The following XIRP2 variants were observed in gnomAD, a reference collection of about 807,000 sequenced individuals.
XIRP2 encodes xin actin-binding repeat-containing protein 2.
Under a neutral mutation model 277.0 loss-of-function variants are expected in XIRP2, and 236 were observed. The ratio of observed to expected loss-of-function variants is 0.85; its 90% CI spans 0.77 to 0.95. The LOEUF is 0.95. XIRP2 is among the 40% of genes least tolerant of loss of function. The pLI, the probability that XIRP2 is intolerant of heterozygous loss-of-function variation, is 0.00. For synonymous variants in XIRP2, 1,490 were observed against 1,416.5 expected (o/e 1.05, Z -1.17); for missense variants, 4,640 against 4,157.5 (o/e 1.12, Z -3.19).
Position 167,245,614 on chromosome 2 carries a change from C to A in XIRP2, c.4222C>A (p.Pro1408Thr), listed in dbSNP as rs757742625. 1 of 1,613,552 alleles carries A rather than the reference C, an allele frequency of 6.2e-7. No homozygotes were observed. Among genetic ancestry groups the A allele is most frequent in the South Asian group, 1.1e-5 (1 of 91,076 alleles). ...QISEESHNIM[P>T]SIDHIQGGNV... ...TTCTGAAGAATCACATAATATTATG[C>A]CCAGTATTGACCATATACAAGGTGG... Residue 1408 changes from proline to threonine, a missense_variant, in exon 9 of 11, where the codon CCC (proline) becomes ACC (threonine). Pro to Thr is a conservative substitution (Grantham distance 38, BLOSUM62 -1). Coordinates refer to ENST00000409195, the MANE Select transcript of XIRP2 (RefSeq NM_152381.6).
At chr2:167,007,707 A>T (rs563298892) in intron 2 of XIRP2, among the ~76,000 whole-genome samples, 3,330 of 71,608 alleles carry the variant, frequency 0.047, 83 homozygotes, top group African/African-American at 0.13. Context: ...TCTCTCTCAC[A>T]CACACACACA....
chr2:167,102,705 G>A (rs1421633071), intron 2 of XIRP2, among the ~76,000 whole-genome samples: 2 of 152,078 alleles, frequency 1.3e-5, no homozygotes, highest in East Asian at 3.9e-4. Context: ...CAGCCGTAGG[G>A]ACCATCAATT....
intron 3 of XIRP2, among the ~76,000 whole-genome samples, chr2:167,169,683 T>C (rs546467301): frequency 1.3e-5 from 2 of 152,342 alleles, no homozygotes; most frequent in Admixed American, 6.5e-5. Context: ...TTTTAAGTGG[T>C]AAAGTTTCTT....
At chr2:166,890,463 T>C (rs1363878186) in intron 1 of XIRP2, among the ~76,000 whole-genome samples, 1 of 152,180 alleles carries the variant, frequency 6.6e-6, no homozygotes, top group East Asian at 1.9e-4. Flanking sequence ...TCAGATGATG[T>C]TGGTGCACAG....
At chr2:167,199,826 C>T (rs1478866784) in intron 3 of XIRP2, among the ~76,000 whole-genome samples, 1 of 152,060 alleles carries the variant, frequency 6.6e-6, no homozygotes, top group African/African-American at 2.4e-5. Context: ...GTAACTAAAC[C>T]ACACATAAAG....
At chr2:166,916,544 A>G (rs1684885485) in intron 2 of XIRP2, among the ~76,000 whole-genome samples, 1 of 152,216 alleles carries the variant, frequency 6.6e-6, no homozygotes, top group African/African-American at 2.4e-5. Flanking sequence ...ATGCAGCTTA[A>G]TATTAGTATA....
At chr2:167,157,186 T>C (rs1486229529) in intron 3 of XIRP2, among the ~76,000 whole-genome samples, 1 of 152,178 alleles carries the variant, frequency 6.6e-6, no homozygotes. Context: ...ATGAAGTTCT[T>C]GAAAGAAGTG....
rs117336174 is a variant in XIRP2 at position 167,142,255 on chromosome 2, T to C, written c.562+6193T>C. Among the ~76,000 whole-genome samples, 1,219 of 152,158 alleles carry C rather than the reference T, an allele frequency of 8.0e-3. 42 individuals carry two copies. In the East Asian group the frequency reaches 0.093, roughly 12 times the overall value. On this transcript the variant is annotated intron_variant, in intron 3 of 10. Coordinates refer to ENST00000409195, the MANE Select transcript of XIRP2 (RefSeq NM_152381.6). ...GAGCCAAACCAGGAATTAGTTATTATAAGAAAGGTACAGGCCGGGCACAAT... is the reference window on the plus strand; with the variant it reads ...GAGCCAAACCAGGAATTAGTTATTACAAGAAAGGTACAGGCCGGGCACAAT...
At chr2:167,007,596 G>A (rs923909557) in intron 2 of XIRP2, among the ~76,000 whole-genome samples, 9 of 151,450 alleles carry the variant, frequency 5.9e-5, no homozygotes, top group African/African-American at 1.4e-4. Flanking sequence ...GTACTGGGGG[G>A]AATGGGGCAG....
chr2:167,210,513 A>T (rs114855121), intron 3 of XIRP2, among the ~76,000 whole-genome samples: 5,462 of 152,202 alleles, frequency 0.036, 167 homozygotes, highest in African/African-American at 0.079. Context: ...AGTTGGGGGG[A>T]TAAATTTTTG....
intron 3 of XIRP2, chr2:167,187,228 C>G: frequency 1.0e-6 from 1 of 984,652 alleles, no homozygotes; most frequent in Non-Finnish European, 1.2e-6. Flanking sequence ...CACTATGAGG[C>G]AGAGTGGCCT....
At chr2:166,986,661 A>G (rs1324913967) in intron 2 of XIRP2, among the ~76,000 whole-genome samples, 1 of 152,250 alleles carries the variant, frequency 6.6e-6, no homozygotes, top group Non-Finnish European at 1.5e-5. Flanking sequence ...AGGGCAGTTT[A>G]TGAAATACTG....
chr2:167,152,964 C>A (rs1558998754), intron 3 of XIRP2, among the ~76,000 whole-genome samples: 1 of 151,894 alleles, frequency 6.6e-6, no homozygotes, highest in Admixed American at 6.6e-5. Flanking sequence ...TGCAAACTTT[C>A]CCCCTATTTC....
intron 2 of XIRP2, among the ~76,000 whole-genome samples, chr2:167,119,637 G>C (rs886731350): frequency 6.6e-6 from 1 of 152,130 alleles, no homozygotes; most frequent in Non-Finnish European, 1.5e-5. Context: ...GCATTTGATA[G>C]GTGCCCAATG....
intron 2 of XIRP2, among the ~76,000 whole-genome samples, chr2:166,945,182 G>T (rs879032107): frequency 6.6e-6 from 1 of 152,114 alleles, no homozygotes; most frequent in Admixed American, 6.6e-5. Context: ...GAATATAGTA[G>T]GTTACCAAAG....
chr2:166,895,200 C>T (rs374645982), intron 1 of XIRP2, among the ~76,000 whole-genome samples: 9 of 152,272 alleles, frequency 5.9e-5, no homozygotes, highest in South Asian at 2.1e-4. Context: ...AAACATTTTA[C>T]GTGCCATATG....
At chr2:167,034,908 G>A (rs1006833153) in intron 2 of XIRP2, among the ~76,000 whole-genome samples, 5 of 152,178 alleles carry the variant, frequency 3.3e-5, no homozygotes, top group African/African-American at 1.2e-4. Context: ...CCAGGTGGGG[G>A]AAATTCAATC....
Position 167,249,496 on chromosome 2 carries a change from A to G in XIRP2, c.8104A>G (p.Lys2702Glu), listed in dbSNP as rs2105445912. The change falls in exon 9 of 11, where the codon AAA becomes GAA. Residue 2702 changes from lysine to glutamate, a missense_variant. Physicochemically the swap from Lys to Glu is moderately conservative, Grantham distance 56. Coordinates refer to ENST00000409195, the MANE Select transcript of XIRP2 (RefSeq NM_152381.6). ...GGAGCAGTTGCACTTGCCCCAAAGC[A>G]AACCAATTTCCCCAAATTTCAAAGT... is the stretch of plus-strand genomic sequence containing the variant. The part of the protein sequence containing the change: ...YLEQLHLPQS[K>E]PISPNFKVKT... 2 of 1,613,862 alleles carry G rather than the reference A, an allele frequency of 1.2e-6. 1 individual carries two copies.
chr2:167,059,627 C>T (rs1322877153), intron 2 of XIRP2, among the ~76,000 whole-genome samples: 1 of 152,102 alleles, frequency 6.6e-6, no homozygotes, highest in African/African-American at 2.4e-5. Context: ...TGTCTTTCCT[C>T]CCACCTCCAG....
Sources: gnomAD v4.1 joint callset for allele counts (sites outside exome capture counted in the v4.1 genomes callset) on GRCh38, gnomAD v4.1.1 for gene constraint, MANE v1.5 for transcripts, NCBI Gene and HGNC (gene_info 2026-07-23, HGNC 2026-07-21) for gene names.